The following VWA5B1 variants were observed in gnomAD, a reference collection of about 807,000 sequenced individuals.
The protein encoded by VWA5B1 is von Willebrand factor A domain-containing protein 5B1.
In VWA5B1, 115 loss-of-function variants were observed where a neutral mutation model predicts 118.2. That is an observed-to-expected ratio of 0.97 (90% confidence interval 0.84 to 1.14). VWA5B1 has a LOEUF of 1.14. Among genes scored for constraint, VWA5B1 ranks in the 50% most tolerant of loss-of-function variants. The pLI is 0.00. For missense variants in VWA5B1, 1,596 were observed against 1,603.8 expected (o/e 1.00, Z 0.08); for synonymous variants, 682 against 658.4 (o/e 1.04, Z -0.55).
chr1:20,304,837 T>C (rs1353009791), intron 1 of VWA5B1, among the ~76,000 whole-genome samples: 1 of 152,202 alleles, frequency 6.6e-6, no homozygotes, highest in Admixed American at 6.5e-5. Flanking sequence ...ACTGGCTGTG[T>C]GGCCATGGGC....
Position 20,323,409 on chromosome 1 carries a change from C to G in VWA5B1, c.1020C>G (p.Ile340Met). The change falls in exon 8 of 22, where the codon ATC (isoleucine) becomes ATG (methionine). Residue 340 changes from isoleucine to methionine, a missense_variant. Physicochemically the swap from Ile to Met is conservative, Grantham distance 10. Transcript: ENST00000289815. ...AAGACATTCCCCACCACTCCGTCAT[C>G]ATGCTCAACTTCTGTCCCGACCTCC... Reference protein sequence around the residue: ...LHKDIPHHSVIMLNFCPDLQS... With the variant: ...LHKDIPHHSVMMLNFCPDLQS... 1 of 1,531,102 alleles carries G rather than the reference C, an allele frequency of 6.5e-7. No homozygotes were observed. The highest frequency in any genetic ancestry group is 1.7e-4 in the Middle Eastern group (1 of 5,930). The allele number at this position is 1,531,102 out of a possible 1,614,324, so 94.8% of individuals were successfully genotyped here.
intron 1 of VWA5B1, among the ~76,000 whole-genome samples, chr1:20,298,554 C>T (rs537380288): frequency 2.6e-5 from 4 of 152,180 alleles, no homozygotes; most frequent in South Asian, 2.1e-4. Context: ...CTGTGCCTGG[C>T]GCTTTATGCA....
At position 20,358,278 on chromosome 1, in the gene VWA5B1, A is replaced by G. The variant is rs567340146; in HGVS notation, c.*4015A>G. Reference sequence around the variant, plus strand: ...CTGCTCTTCAGAGACATGAAAAGCAAGGGTTCCTCCTTCTCCCTTCCAGCT... The same window carrying G: ...CTGCTCTTCAGAGACATGAAAAGCAGGGGTTCCTCCTTCTCCCTTCCAGCT... On this transcript the variant is annotated 3_prime_UTR_variant, in exon 22 of 22. Coordinates refer to ENST00000289815, the MANE Select transcript of VWA5B1 (RefSeq NM_001039500.3). 6.6e-6 allele frequency among the ~76,000 whole-genome samples: 1 copy of G among 152,348 alleles called. No individual in the cohort carries two copies. The highest frequency in any genetic ancestry group is 1.9e-4 in the East Asian group (1 of 5,182).
At chr1:20,308,949 C>A (rs1048276080) in intron 1 of VWA5B1, among the ~76,000 whole-genome samples, 4 of 152,188 alleles carry the variant, frequency 2.6e-5, no homozygotes, top group African/African-American at 4.8e-5. Context: ...GGCACCTACC[C>A]CGCAGACAGG....
chr1:20,305,748 G>T (rs1290079114), intron 1 of VWA5B1, among the ~76,000 whole-genome samples: 2 of 151,976 alleles, frequency 1.3e-5, no homozygotes, highest in East Asian at 3.9e-4. Context: ...TTACAAGACG[G>T]GTGGCACTTA....
intron 1 of VWA5B1, among the ~76,000 whole-genome samples, chr1:20,302,087 G>A (rs2088517897): frequency 6.6e-6 from 1 of 152,052 alleles, no homozygotes; most frequent in Admixed American, 6.6e-5. Flanking sequence ...TCTCCTAGCT[G>A]GAAGCCCCAG....
At chr1:20,311,701 C>A (rs1417672681) in intron 2 of VWA5B1, among the ~76,000 whole-genome samples, 1 of 152,154 alleles carries the variant, frequency 6.6e-6, no homozygotes, top group East Asian at 1.9e-4. Flanking sequence ...GCCTCATAAC[C>A]ACCAAACTTC....
chr1:20,315,117 G>A (rs1235967864), intron 4 of VWA5B1, among the ~76,000 whole-genome samples: 1 of 152,232 alleles, frequency 6.6e-6, no homozygotes, highest in East Asian at 1.9e-4. Flanking sequence ...AGGGGGCCAG[G>A]GGCTGGACCA....
intron 9 of VWA5B1, among the ~76,000 whole-genome samples, chr1:20,328,296 A>G (rs2089447875): frequency 1.3e-5 from 2 of 152,186 alleles, no homozygotes; most frequent in Non-Finnish European, 2.9e-5. Context: ...GAGAGGACAT[A>G]GCCCAGGCCT....
intron 1 of VWA5B1, among the ~76,000 whole-genome samples, chr1:20,309,679 G>C (rs2100833407): frequency 6.6e-6 from 1 of 152,320 alleles, no homozygotes; most frequent in Admixed American, 6.5e-5. Context: ...GAAGAGGGTA[G>C]TGGGGTAGCA....
At chr1:20,342,974 T>C in intron 15 of VWA5B1, 105 bp from the exon 16 acceptor site, 2 of 1,446,274 alleles carry the variant, frequency 1.4e-6, no homozygotes, top group Non-Finnish European at 1.8e-6. Context: ...GAGTGGGTTG[T>C]ACTTGCTTAG....
chr1:20,324,367 T>C (rs750616080), intron 8 of VWA5B1, among the ~76,000 whole-genome samples: 3 of 152,098 alleles, frequency 2.0e-5, no homozygotes, highest in Non-Finnish European at 4.4e-5. Flanking sequence ...GCATTTCACC[T>C]GCCCCCTGCC....
chr1:20,303,054 A>T (rs2088542065), intron 1 of VWA5B1: 1 of 152,286 alleles, frequency 6.6e-6, no homozygotes, highest in South Asian at 2.1e-4. Context: ...ATCAGACCAG[A>T]TCCAGAGAAC....
Position 20,319,394 on chromosome 1 carries a change from C to T in VWA5B1, c.854C>T (p.Pro285Leu). Residue 285 changes from proline (P) to leucine (L), a missense_variant, in exon 7 of 22, where the codon CCC (proline) becomes CTC (leucine). Transcript: ENST00000289815. ...ILIHPSEPHMPHVLIEKGDMT... is the reference protein window; with the variant it reads ...ILIHPSEPHMLHVLIEKGDMT... ...CTCATCTCTGCAGAGCCCCATATGC[C>T]CCATGTCCTGATAGAGAAAGGGGAC... 1.3e-6 allele frequency: 2 copies of T among 1,551,732 alleles called. No homozygotes were observed. Among genetic ancestry groups the T allele is most frequent in the Non-Finnish European group, 1.7e-6 (2 of 1,146,994 alleles).
Position 20,310,666 on chromosome 1 carries a change from C to T in VWA5B1, c.65C>T (p.Ser22Phe). The change falls in exon 2 of 22, where the codon TCC becomes TTC. Residue 22 changes from serine (S) to phenylalanine (F), a missense_variant. Coordinates refer to ENST00000289815, the MANE Select transcript of VWA5B1 (RefSeq NM_001039500.3). ...CCCCTCACCGCGTCTGATGTTACCT[C>T]CTGTGTCAGCGGTTATGCCCTGGGC... ...ALPLTASDVT[S>F]CVSGYALGLT... The T allele has an allele frequency of 6.4e-7, 1 of 1,551,306 alleles. No homozygotes were observed. Among genetic ancestry groups the T allele is most frequent in the South Asian group, 1.2e-5 (1 of 84,002 alleles).
At chr1:20,323,874 C>A (rs1011265689) in intron 8 of VWA5B1, among the ~76,000 whole-genome samples, 1 of 152,206 alleles carries the variant, frequency 6.6e-6, no homozygotes, top group Non-Finnish European at 1.5e-5. Flanking sequence ...GTGTTGGATA[C>A]GGTGCTAGCC....
rs1368471406 is a variant in VWA5B1, at chr1:20,355,606, G to T, written c.*1343G>T. 1.3e-5 allele frequency among the ~76,000 whole-genome samples: 2 copies of T among 152,224 alleles called. No homozygotes were observed. Among genetic ancestry groups the T allele is most frequent in the African/African-American group, 4.8e-5 (2 of 41,482 alleles). On this transcript the variant is annotated 3_prime_UTR_variant, in exon 22 of 22. Coordinates refer to ENST00000289815, the MANE Select transcript of VWA5B1 (RefSeq NM_001039500.3). The stretch of plus-strand genomic sequence containing the variant: ...GAAGCTCCACAGACTTCCCTCGTGG[G>T]AAGGCCTTGGAAGCTTAGCTTATCA...
chr1:20,298,599 C>T (rs763299747), intron 1 of VWA5B1, among the ~76,000 whole-genome samples: 10 of 152,046 alleles, frequency 6.6e-5, no homozygotes, highest in African/African-American at 2.2e-4. Context: ...GGCAGTGAGG[C>T]GAGCTCTACT....
chr1:20,302,816 T>C (rs1289937041), intron 1 of VWA5B1, among the ~76,000 whole-genome samples: 3 of 151,876 alleles, frequency 2.0e-5, no homozygotes, highest in Non-Finnish European at 4.4e-5. Flanking sequence ...GAGACAGCAT[T>C]CCTGGCAAAG....
Sources: gnomAD v4.1 joint callset for allele counts (sites outside exome capture counted in the v4.1 genomes callset) on GRCh38, gnomAD v4.1.1 for gene constraint, MANE v1.5 for transcripts, NCBI Gene and HGNC (gene_info 2026-07-23, HGNC 2026-07-21) for gene names.